Variants in PCDH15 observed in about 807,000 individuals in gnomAD.
PCDH15 encodes the protein protocadherin related 15, also known as protocadherin-15.
In PCDH15, 129 loss-of-function variants were observed where a neutral mutation model predicts 178.5. That is an observed-to-expected ratio of 0.72 (90% CI 0.63 to 0.84). The LOEUF is 0.84. Ranked by LOEUF, PCDH15 falls within the 40% of genes least tolerant of loss-of-function variation. The pLI is 0.00. For missense variants in PCDH15, 2,230 were observed against 2,099.9 expected (o/e 1.06, Z -1.21); for synonymous variants, 800 against 732.0 (o/e 1.09, Z -1.50).
intron 7 of PCDH15, among the ~76,000 whole-genome samples, chr10:54,325,002 A>C (rs1477804124): frequency 2.3e-5 from 1 of 43,548 alleles, no homozygotes; most frequent in Non-Finnish European, 5.5e-5. Flanking sequence ...CAAAAAGAAA[A>C]CCCATTTGAT....
chr10:54,400,757 T>C (rs1479226172), intron 3 of PCDH15, among the ~76,000 whole-genome samples: 1 of 151,882 alleles, frequency 6.6e-6, no homozygotes, highest in Non-Finnish European at 1.5e-5. Flanking sequence ...GCAGACTGTG[T>C]CCAGATTTCT....
intron 2 of PCDH15, among the ~76,000 whole-genome samples, chr10:54,917,869 T>C (rs1837380684): frequency 6.6e-6 from 1 of 152,158 alleles, no homozygotes; most frequent in Non-Finnish European, 1.5e-5. Flanking sequence ...GGAGATATAT[T>C]TTTACTCATA....
rs1262777437 is a variant in PCDH15 at position 54,185,141 on chromosome 10, G to T, written c.1433C>A (p.Thr478Asn). 6.2e-7 allele frequency: 1 copy of T among 1,613,348 alleles called. No individual in the cohort carries two copies. The highest frequency in any genetic ancestry group is 1.7e-5 in the Admixed American group (1 of 59,972). ...PVDREEQQTY[T>N]FSITAFDGVQ... is the part of the protein sequence containing the mutation. The stretch of plus-strand genomic sequence containing the variant: ...TACACAAAAGCTCTTTACCGAAAAG[G>T]TGTAAGTTTGCTGTTCTTCCCTGTC... Residue 478 changes from threonine (T) to asparagine (N), a missense_variant, in exon 12 of 38, where the codon ACC becomes AAC. Coordinates refer to ENST00000644397, the MANE Select transcript of PCDH15 (RefSeq NM_001384140.1).
chr10:54,075,323 G>A (rs913550692), intron 17 of PCDH15, among the ~76,000 whole-genome samples: 1 of 152,006 alleles, frequency 6.6e-6, no homozygotes, highest in East Asian at 1.9e-4. Flanking sequence ...TTTGCAGTGA[G>A]CCGAGATCGC....
chr10:54,622,006 G>A (rs1431008496), intron 2 of PCDH15, among the ~76,000 whole-genome samples: 2 of 151,936 alleles, frequency 1.3e-5, no homozygotes, highest in African/African-American at 4.8e-5. Context: ...TATTACTGAG[G>A]AATGAGAATT....
chr10:53,892,313 C>T (rs920762821), intron 26 of PCDH15, among the ~76,000 whole-genome samples: 1 of 152,150 alleles, frequency 6.6e-6, no homozygotes, highest in East Asian at 1.9e-4. Flanking sequence ...GCGTGAGCCA[C>T]TGGGACCGGC....
intron 2 of PCDH15, among the ~76,000 whole-genome samples, chr10:55,124,926 T>G (rs989330143): frequency 9.9e-5 from 15 of 152,008 alleles, no homozygotes; most frequent in African/African-American, 3.4e-4. Flanking sequence ...TCAGATATCC[T>G]CATTACAAAT....
intron 2 of PCDH15, among the ~76,000 whole-genome samples, chr10:55,107,046 T>C (rs576491116): frequency 6.6e-6 from 1 of 152,358 alleles, no homozygotes; most frequent in African/African-American, 2.4e-5. Flanking sequence ...GCCTTTGCAA[T>C]GGATTTTAAG....
chr10:53,980,220 C>CAAAAA (rs11393600), intron 21 of PCDH15, among the ~76,000 whole-genome samples: 1 of 137,412 alleles, frequency 7.3e-6, no homozygotes, highest in African/African-American at 2.7e-5. Flanking sequence ...GACTCCATCT[C>CAAAAA]AAAAAAAAAA....
intron 25 of PCDH15, among the ~76,000 whole-genome samples, chr10:53,917,031 T>C (rs999572254): frequency 1.2e-4 from 19 of 152,124 alleles, no homozygotes; most frequent in African/African-American, 4.1e-4. Context: ...TATAGGAATA[T>C]AGTACACATC....
At chr10:54,895,060 C>G (rs116652908) in intron 3 of PCDH15, among the ~76,000 whole-genome samples, 160 of 152,232 alleles carry the variant, frequency 1.1e-3, no homozygotes, top group African/African-American at 3.7e-3. Flanking sequence ...GATGTTCATT[C>G]TTTTATCTTT....
At chr10:55,451,493 G>A (rs1409734515) in intron 2 of PCDH15, among the ~76,000 whole-genome samples, 1 of 82,416 alleles carries the variant, frequency 1.2e-5, no homozygotes, top group African/African-American at 7.6e-5. Context: ...GTAAGACTCC[G>A]TCTCAAAAAA....
intron 28 of PCDH15, among the ~76,000 whole-genome samples, chr10:53,853,672 C>T (rs571168225): frequency 2.0e-5 from 3 of 152,072 alleles, no homozygotes; most frequent in South Asian, 4.1e-4. Flanking sequence ...AAAAGATGCT[C>T]ATCATCAATA....
In PCDH15 at chr10:54,581,705, G is replaced by A. The variant is rs79822396; in HGVS notation, c.92-53828C>T. Among the ~76,000 whole-genome samples the A allele has an allele frequency of 4.6e-5, 7 of 151,966 alleles. No homozygotes were observed. In the East Asian group the frequency reaches 1.2e-3, roughly 25 times the overall value. ...AAGTCTACAATATCCAAAATAGGACGGTATTAATACAAAAACAGACACATA... is the reference window on the plus strand; with the variant it reads ...AAGTCTACAATATCCAAAATAGGACAGTATTAATACAAAAACAGACACATA... On this transcript the variant is annotated intron_variant, in intron 2 of 37. Transcript: ENST00000644397.
intron 1 of PCDH15, among the ~76,000 whole-genome samples, chr10:55,171,897 T>C (rs1297500577): frequency 8.3e-6 from 1 of 120,538 alleles, no homozygotes; most frequent in Non-Finnish European, 1.8e-5. Context: ...ATCAGCAGTA[T>C]ATTTAACCAG....
At chr10:53,877,151 T>A (rs530823741) in intron 26 of PCDH15, among the ~76,000 whole-genome samples, 3 of 152,262 alleles carry the variant, frequency 2.0e-5, no homozygotes, top group South Asian at 2.1e-4. Context: ...AGTTTCCTTT[T>A]TTATTTTTTC....
At chr10:54,024,860 G>A (rs2093034413) in intron 18 of PCDH15, among the ~76,000 whole-genome samples, 1 of 152,026 alleles carries the variant, frequency 6.6e-6, no homozygotes, top group Non-Finnish European at 1.5e-5. Context: ...CAAAAAAAGA[G>A]GGTGATCTCT....
intron 2 of PCDH15, among the ~76,000 whole-genome samples, chr10:55,339,583 TATAA>T (rs1844494176): frequency 1.3e-5 from 2 of 152,282 alleles, no homozygotes; most frequent in East Asian, 3.9e-4. Context: ...TCAAGAGTTT[TATAA>T]ATAGTTTCAG....
intron 2 of PCDH15, among the ~76,000 whole-genome samples, chr10:54,566,989 C>T (rs984150768): frequency 1.3e-5 from 2 of 152,128 alleles, no homozygotes; most frequent in African/African-American, 4.8e-5. Context: ...TGTTCAACAG[C>T]ATTTGGTGTC....
Sources: allele counts gnomAD v4.1 joint callset (sites outside exome capture counted in the v4.1 genomes callset), GRCh38; gene constraint gnomAD v4.1.1; transcripts MANE v1.5; gene names NCBI Gene and HGNC (gene_info 2026-07-23, HGNC 2026-07-21).